MLLT3: variants seen among roughly 807,000 people sequenced by gnomAD.
MLLT3 encodes protein AF-9.
Under a neutral mutation model 53.2 loss-of-function variants are expected in MLLT3, and 4 were observed. That is an observed-to-expected ratio of 0.08 (90% confidence interval 0.04 to 0.17). The LOEUF is 0.17. Ranked by LOEUF, MLLT3 falls within the 10% of genes least tolerant of loss-of-function variation. The probability of loss-of-function intolerance (pLI) is 1.00; values close to 1 mark genes in which losing one functional copy is unlikely to be tolerated. For synonymous variants in MLLT3, 283 were observed against 230.6 expected, an observed-to-expected ratio of 1.23 and a Z score of -2.06; for missense variants, 569 against 684.0, an observed-to-expected ratio of 0.83 and a Z score of 1.87.
At chr9:20,525,417 AC>A (rs1320651775) in intron 2 of MLLT3, among the ~76,000 whole-genome samples, 1 of 152,078 alleles carries the variant, frequency 6.6e-6, no homozygotes, top group Non-Finnish European at 1.5e-5. Flanking sequence ...AATTGCTTGA[AC>A]CCGGAAGGCG....
At chr9:20,366,088 T>C (rs1030828601) in intron 5 of MLLT3, among the ~76,000 whole-genome samples, 2 of 152,200 alleles carry the variant, frequency 1.3e-5, no homozygotes, top group Non-Finnish European at 2.9e-5. Flanking sequence ...TTGGGATACA[T>C]GGGCAGAACA....
rs1177549325 is a variant in MLLT3 at position 20,477,729 on chromosome 9, G to A, written c.194-20943C>T. On this transcript the variant is annotated intron_variant, in intron 2 of 10. Coordinates refer to ENST00000380338, the MANE Select transcript of MLLT3 (RefSeq NM_004529.4). ...GGCTCTACAGTTCTCCTATACTCCA[G>A]GGAGATACAGAGAGGGTGCACAGTA... 8.5e-5 allele frequency among the ~76,000 whole-genome samples: 13 copies of A among 152,084 alleles called. No individual in the cohort carries two copies. The East Asian group carries it at 1.7e-3, about 20-fold the overall frequency.
chr9:20,583,935 T>C (rs1202160178), intron 2 of MLLT3, among the ~76,000 whole-genome samples: 1 of 152,234 alleles, frequency 6.6e-6, no homozygotes, highest in Non-Finnish European at 1.5e-5. Context: ...TGTAGAGGGC[T>C]TGAATTTCTC....
chr9:20,499,585 T>C (rs921524790), intron 2 of MLLT3, among the ~76,000 whole-genome samples: 1 of 152,250 alleles, frequency 6.6e-6, no homozygotes, highest in Non-Finnish European at 1.5e-5. Flanking sequence ...CTCATAGAGA[T>C]ACCTTCGAAA....
chr9:20,393,123 C>T (rs1269577063), intron 5 of MLLT3, among the ~76,000 whole-genome samples: 2 of 152,050 alleles, frequency 1.3e-5, no homozygotes, highest in Non-Finnish European at 2.9e-5. Flanking sequence ...CCATTGCACT[C>T]CAGCCTGGGC....
rs1824807653 is a variant in MLLT3 at position 20,486,195 on chromosome 9, T to C, written c.194-29409A>G. On this transcript the variant is annotated intron_variant, in intron 2 of 10. Coordinates refer to ENST00000380338, the MANE Select transcript of MLLT3 (RefSeq NM_004529.4). ...AGATTCTGGTTATAATACAAAAACA[T>C]ATAACCAGAAATAAGGTAATATACA... Among the ~76,000 whole-genome samples the C allele has an allele frequency of 2.0e-5, 3 of 152,164 alleles. No homozygotes were observed. The South Asian group carries it at 6.2e-4, about 31-fold the overall frequency.
intron 2 of MLLT3, among the ~76,000 whole-genome samples, chr9:20,594,434 C>T (rs1820201820): frequency 1.3e-5 from 2 of 152,106 alleles, no homozygotes. Flanking sequence ...GATGGATCTT[C>T]ATCCCTCTTC....
chr9:20,571,705 A>C (rs553489496), intron 2 of MLLT3, among the ~76,000 whole-genome samples: 7 of 152,332 alleles, frequency 4.6e-5, no homozygotes, highest in Admixed American at 2.0e-4. Flanking sequence ...ACCTGATTTT[A>C]AAATGGGCAA....
intron 2 of MLLT3, among the ~76,000 whole-genome samples, chr9:20,600,097 T>C (rs761022868): frequency 6.7e-6 from 1 of 148,734 alleles, no homozygotes; most frequent in Non-Finnish European, 1.5e-5. Context: ...TTCTCTTTCT[T>C]ATCAAACATT....
intron 2 of MLLT3, among the ~76,000 whole-genome samples, chr9:20,579,996 G>A (rs919951251): frequency 6.6e-6 from 1 of 152,132 alleles, no homozygotes; most frequent in African/African-American, 2.4e-5. Context: ...AGGGAGCAGT[G>A]AGGTCCTATC....
chr9:20,485,591 C>A (rs1824789625), intron 2 of MLLT3, among the ~76,000 whole-genome samples: 1 of 152,162 alleles, frequency 6.6e-6, no homozygotes, highest in Non-Finnish European at 1.5e-5. Context: ...AATGTCACCA[C>A]CATAATAATA....
intron 2 of MLLT3, among the ~76,000 whole-genome samples, chr9:20,491,020 C>A (rs1334714054): frequency 1.3e-5 from 2 of 152,020 alleles, no homozygotes; most frequent in African/African-American, 4.8e-5. Flanking sequence ...TTTTAAAGAT[C>A]AGAAAACTTT....
chr9:20,542,943 C>T (rs1039833715), intron 2 of MLLT3, among the ~76,000 whole-genome samples: 3 of 152,198 alleles, frequency 2.0e-5, no homozygotes, highest in Admixed American at 1.3e-4. Context: ...CTTCACCTTG[C>T]ACTTTCATAT....
intron 2 of MLLT3, among the ~76,000 whole-genome samples, chr9:20,608,373 A>G (rs906252660): frequency 6.6e-6 from 1 of 151,940 alleles, no homozygotes; most frequent in Non-Finnish European, 1.5e-5. Context: ...CTCCACAGGA[A>G]AAAAGGGCCA....
chr9:20,503,014 A>T lies in MLLT3; in HGVS notation c.194-46228T>A, dbSNP rs372588563. 3.3e-4 allele frequency among the ~76,000 whole-genome samples: 50 copies of T among 152,328 alleles called. 2 individuals are homozygous for T. Among genetic ancestry groups the T allele is most frequent in the African/African-American group, 1.2e-3 (50 of 41,580 alleles). ...TAAACCAAGAAGTTGAAAGACCTGT[A>T]CACCAGAAACTATAAAAGATTGATG... is the stretch of plus-strand genomic sequence containing the variant. On this transcript the variant is annotated intron_variant, in intron 2 of 10. Transcript: ENST00000380338.
intron 2 of MLLT3, among the ~76,000 whole-genome samples, chr9:20,565,954 TTATATATATATATTTATATATATATA>T (rs58417778): frequency 5.8e-5 from 2 of 34,696 alleles, no homozygotes; most frequent in Admixed American, 3.8e-4. Context: ...ATATATATAT[TTATATATATATATTTATATATATATA>T]TATTTATTTA....
In MLLT3 at chr9:20,598,605, A is replaced by G. The variant is rs753306573; in HGVS notation, c.193+22049T>C. On this transcript the variant is annotated intron_variant, in intron 2 of 10. Coordinates refer to ENST00000380338, the MANE Select transcript of MLLT3 (RefSeq NM_004529.4). ...TTCAGTGAAGCACTGCTCAGACAGTATATAAGACAAATGACACAAAACAAA... is the reference window on the plus strand; with the variant it reads ...TTCAGTGAAGCACTGCTCAGACAGTGTATAAGACAAATGACACAAAACAAA... Among the ~76,000 whole-genome samples the G allele has an allele frequency of 7.6e-4, 116 of 152,234 alleles. 2 individuals are homozygous for G. The highest frequency in any genetic ancestry group is 1.2e-4 in the Non-Finnish European group (8 of 68,030).
At chr9:20,450,742 G>A (rs1823817367) in intron 3 of MLLT3, among the ~76,000 whole-genome samples, 1 of 152,026 alleles carries the variant, frequency 6.6e-6, no homozygotes, top group African/African-American at 2.4e-5. Context: ...GTCCCTCATG[G>A]CATTCCTCTA....
chr9:20,402,871 T>C (rs1388457782), intron 5 of MLLT3, among the ~76,000 whole-genome samples: 1 of 152,196 alleles, frequency 6.6e-6, no homozygotes, highest in Non-Finnish European at 1.5e-5. Flanking sequence ...ATGAGGTTCA[T>C]TCATTCAACA....
Sources: allele counts gnomAD v4.1 joint callset (sites outside exome capture counted in the v4.1 genomes callset), GRCh38; gene constraint gnomAD v4.1.1; transcripts MANE v1.5; gene names NCBI Gene and HGNC (gene_info 2026-07-23, HGNC 2026-07-21).